TTLL5: variants seen among roughly 807,000 people sequenced by gnomAD.
The protein encoded by TTLL5 is tubulin tyrosine ligase like 5.
TTLL5 carries 132 observed loss-of-function variants against 168.4 expected under a neutral mutation model. That is an observed-to-expected ratio of 0.78 (90% CI 0.68 to 0.91). TTLL5 has a LOEUF of 0.91. TTLL5 is among the 40% of genes least tolerant of loss of function. The pLI is 0.00. For synonymous variants in TTLL5, 546 were observed against 558.6 expected, an observed-to-expected ratio of 0.98 and a Z score of 0.32; for missense variants, 1,545 against 1,581.5, an observed-to-expected ratio of 0.98 and a Z score of 0.39.
chr14:75,843,394 A>G (rs1367762076), intron 28 of TTLL5, among the ~76,000 whole-genome samples: 4 of 152,176 alleles, frequency 2.6e-5, no homozygotes, highest in Non-Finnish European at 4.4e-5. Context: ...CTAACCATTC[A>G]TCCAAGGAGG....
intron 18 of TTLL5, among the ~76,000 whole-genome samples, chr14:75,755,242 G>A (rs1258878195): frequency 6.7e-6 from 1 of 149,612 alleles, no homozygotes; most frequent in African/African-American, 2.5e-5. Flanking sequence ...TCCAGCCTGG[G>A]CAACCAGAGC....
chr14:75,908,324 T>A (rs2033231636), intron 31 of TTLL5, among the ~76,000 whole-genome samples: 1 of 152,206 alleles, frequency 6.6e-6, no homozygotes, highest in Non-Finnish European at 1.5e-5. Context: ...GTGGGCTGCA[T>A]CTCTTGAGCA....
intron 28 of TTLL5, among the ~76,000 whole-genome samples, chr14:75,853,300 GC>G (rs1404181881): frequency 6.6e-6 from 1 of 152,142 alleles, no homozygotes; most frequent in Non-Finnish European, 1.5e-5. Flanking sequence ...ATATAAGCTA[GC>G]TCCCCTTGAT....
rs1447080954 is a variant in TTLL5, at chr14:75,882,907, GT to G, written c.3740+12del. The G allele has an allele frequency of 1.9e-6, 3 of 1,613,040 alleles. No homozygotes were observed. The highest frequency in any genetic ancestry group is 2.5e-6 in the Non-Finnish European group (3 of 1,179,284). ...AACATCCCAGAAAGCTTCCAAGTAA[GT>G]TTTTTTCTGTTCAATTTCTACTGAG... On this transcript the variant is annotated splice_donor_region_variant and intron_variant, in intron 30 of 31. Transcript: ENST00000298832.
intron 31 of TTLL5, among the ~76,000 whole-genome samples, chr14:75,926,764 C>T (rs1299265377): frequency 6.6e-6 from 1 of 152,128 alleles, no homozygotes; most frequent in Non-Finnish European, 1.5e-5. Flanking sequence ...GTTCCTGAAA[C>T]AGTTAAACAT....
At chr14:75,897,325 G>C (rs1213046049) in intron 30 of TTLL5, among the ~76,000 whole-genome samples, 2 of 152,202 alleles carry the variant, frequency 1.3e-5, no homozygotes, top group African/African-American at 4.8e-5. Context: ...TGCCTTCATA[G>C]AGAGGAGCAT....
chr14:75,736,444 G>A (rs899667596), intron 15 of TTLL5, among the ~76,000 whole-genome samples: 5 of 152,100 alleles, frequency 3.3e-5, no homozygotes, highest in Non-Finnish European at 7.4e-5. Context: ...GGGCCTGCAG[G>A]CAGGTAATAT....
Position 75,882,742 on chromosome 14 carries a change from G to A in TTLL5, c.3580G>A (p.Ala1194Thr). ...NSNLWTMNNG[A>T]GCRISSATAS... The stretch of plus-strand genomic sequence containing the variant: ...CAATTTATGGACAATGAATAATGGT[G>A]CAGGTTGTAGAATTTCCAGTGCCAC... The change falls in exon 30 of 32, where the codon GCA (alanine) becomes ACA (threonine). Residue 1194 changes from alanine (A) to threonine (T), a missense_variant. Coordinates refer to ENST00000298832, the MANE Select transcript of TTLL5 (RefSeq NM_015072.5). 1.2e-6 allele frequency: 2 copies of A among 1,613,798 alleles called. No homozygotes were observed. Among genetic ancestry groups the A allele is most frequent in the Non-Finnish European group, 8.5e-7 (1 of 1,179,972 alleles).
intron 31 of TTLL5, among the ~76,000 whole-genome samples, chr14:75,923,738 G>T (rs1019329548): frequency 6.6e-6 from 1 of 152,198 alleles, no homozygotes; most frequent in African/African-American, 2.4e-5. Context: ...GCTTGGTGCA[G>T]AGCTGAGTTC....
intron 24 of TTLL5, among the ~76,000 whole-genome samples, chr14:75,780,153 T>C (rs1424175175): frequency 6.6e-6 from 1 of 152,188 alleles, no homozygotes; most frequent in Non-Finnish European, 1.5e-5. Context: ...GACTCAAAGT[T>C]TGTGCTCTTA....
At chr14:75,673,138 G>T (rs1218321045) in intron 3 of TTLL5, among the ~76,000 whole-genome samples, 2 of 151,928 alleles carry the variant, frequency 1.3e-5, no homozygotes, top group Non-Finnish European at 2.9e-5. Flanking sequence ...TAGAGATGGG[G>T]GGGTCTCACT....
intron 29 of TTLL5, among the ~76,000 whole-genome samples, chr14:75,880,477 G>C (rs1411840528): frequency 6.6e-6 from 1 of 152,012 alleles, no homozygotes; most frequent in Non-Finnish European, 1.5e-5. Flanking sequence ...ACTCACCCAG[G>C]GAATTTCTTT....
At chr14:75,876,081 C>T (rs2031459868) in intron 29 of TTLL5, among the ~76,000 whole-genome samples, 1 of 152,182 alleles carries the variant, frequency 6.6e-6, no homozygotes, top group Non-Finnish European at 1.5e-5. Flanking sequence ...GAACGTCAAC[C>T]AGTGTCTGAT....
intron 9 of TTLL5, chr14:75,709,069 C>T: frequency 1.5e-6 from 1 of 658,532 alleles, no homozygotes; most frequent in South Asian, 1.6e-5. Context: ...CTGTGGGCCT[C>T]AGGTTGGACA....
intron 28 of TTLL5, among the ~76,000 whole-genome samples, chr14:75,839,697 A>G (rs886384334): frequency 1.3e-5 from 2 of 152,088 alleles, no homozygotes; most frequent in African/African-American, 4.8e-5. Context: ...CTCACAACAC[A>G]TGGGGATTAT....
chr14:75,801,308 G>A (rs190383095), intron 27 of TTLL5, among the ~76,000 whole-genome samples: 3 of 152,170 alleles, frequency 2.0e-5, no homozygotes, highest in African/African-American at 7.2e-5. Flanking sequence ...GGAAGTAGGG[G>A]AAAGCCAGCA....
At chr14:75,772,021 A>G (rs1281432498) in intron 21 of TTLL5, among the ~76,000 whole-genome samples, 167 bp downstream of exon 21, 1 of 151,632 alleles carries the variant, frequency 6.6e-6, no homozygotes, top group Non-Finnish European at 1.5e-5. Flanking sequence ...CAAGATTTAT[A>G]TATACTTATT....
chr14:75,839,497 T>C (rs1287408286), intron 28 of TTLL5, among the ~76,000 whole-genome samples: 1 of 152,180 alleles, frequency 6.6e-6, no homozygotes, highest in Non-Finnish European at 1.5e-5. Flanking sequence ...TTCACATGGC[T>C]GGGGAGGCTT....
chr14:75,911,795 C>T lies in TTLL5; in HGVS notation c.3823+9571C>T, dbSNP rs569764026. On this transcript the variant is annotated intron_variant, in intron 31 of 31. Coordinates refer to ENST00000298832, the MANE Select transcript of TTLL5 (RefSeq NM_015072.5). The stretch of plus-strand genomic sequence containing the variant: ...CAAAATCACAACTCAGAAAAATGAC[C>T]GCTCACAGGCCTTCTGTTTTATATT... Among the ~76,000 whole-genome samples, 21 of 152,262 alleles carry T rather than the reference C, an allele frequency of 1.4e-4. No individual in the cohort carries two copies. In the South Asian group the frequency reaches 4.1e-3, roughly 30 times the overall value.
Sources: allele counts gnomAD v4.1 joint callset (sites outside exome capture counted in the v4.1 genomes callset), GRCh38; gene constraint gnomAD v4.1.1; transcripts MANE v1.5; gene names NCBI Gene and HGNC (gene_info 2026-07-23, HGNC 2026-07-21).